The following HLCS variants were observed in gnomAD, a reference collection of about 807,000 sequenced individuals.
HLCS encodes the protein biotin--protein ligase.
A neutral mutation model predicts 75.0 loss-of-function variants in HLCS; 53 were observed. The ratio of observed to expected loss-of-function variants is 0.71; its 90% CI spans 0.57 to 0.89. HLCS has a LOEUF of 0.89. HLCS is among the 40% of genes least tolerant of loss of function. The probability of loss-of-function intolerance (pLI) is 0.00; values close to 1 mark genes in which losing one functional copy is unlikely to be tolerated. For missense variants in HLCS, 966 were observed against 1,074.0 expected (o/e 0.90, Z 1.41); for synonymous variants, 431 against 428.6 (o/e 1.01, Z -0.07).
intron 6 of HLCS, among the ~76,000 whole-genome samples, chr21:36,800,482 C>A (rs564788096): frequency 6.6e-6 from 1 of 152,144 alleles, no homozygotes; most frequent in Non-Finnish European, 1.5e-5. Context: ...GGCTCCCTGC[C>A]GGTACCGCTC....
At chr21:36,948,509 C>T (rs776492558) in intron 2 of HLCS, among the ~76,000 whole-genome samples, 3 of 151,352 alleles carry the variant, frequency 2.0e-5, no homozygotes, top group Non-Finnish European at 2.9e-5. Context: ...CAGGAAGGAT[C>T]GCTTAAGCCC....
intron 5 of HLCS, among the ~76,000 whole-genome samples, chr21:36,919,327 A>G (rs1316192417): frequency 6.6e-6 from 1 of 152,274 alleles, no homozygotes; most frequent in Non-Finnish European, 1.5e-5. Flanking sequence ...TTTCTTAAAT[A>G]TAAGAGAAGT....
At chr21:36,834,875 T>C (rs537014580) in intron 6 of HLCS, among the ~76,000 whole-genome samples, 2 of 152,206 alleles carry the variant, frequency 1.3e-5, no homozygotes, top group African/African-American at 4.8e-5. Flanking sequence ...TTCTAAGGCA[T>C]CCTATTCTGA....
intron 6 of HLCS, among the ~76,000 whole-genome samples, chr21:36,881,830 C>T (rs2064231219): frequency 6.6e-6 from 1 of 152,128 alleles, no homozygotes; most frequent in East Asian, 1.9e-4. Context: ...CAGGGGGGCT[C>T]TGCACCATTT....
intron 5 of HLCS, among the ~76,000 whole-genome samples, chr21:36,919,289 T>A (rs1465784597): frequency 6.6e-6 from 1 of 152,236 alleles, no homozygotes; most frequent in East Asian, 1.9e-4. Flanking sequence ...TGTGTAAAGT[T>A]CAACAGTTAC....
Position 36,966,429 on chromosome 21 carries a change from G to GCC in HLCS, c.195+13_195+14dup. On this transcript the variant is annotated intron_variant, in intron 1 of 10. Transcript: ENST00000674895. ...CTCGCGGGGCCCGGGTCGCCCGCCC[G>GCC]CCCGACCCGCCCACCTGGCTGTCGC... The GCC allele has an allele frequency of 1.4e-5, 2 of 144,444 alleles. No individual in the cohort carries two copies. The highest frequency in any genetic ancestry group is 1.8e-5 in the Non-Finnish European group (2 of 111,468). The allele number at this position is 144,444 out of a possible 1,614,324, so 8.9% of individuals were successfully genotyped here.
chr21:36,953,242 G>A (rs1045602981), intron 2 of HLCS, among the ~76,000 whole-genome samples: 3 of 152,098 alleles, frequency 2.0e-5, no homozygotes, highest in Admixed American at 6.6e-5. Flanking sequence ...GACCACAGGC[G>A]GGAGCCACCA....
intron 6 of HLCS, among the ~76,000 whole-genome samples, chr21:36,859,047 G>A (rs1306826529): frequency 6.6e-6 from 1 of 152,028 alleles, no homozygotes; most frequent in Admixed American, 6.6e-5. Flanking sequence ...TTTTGAGATG[G>A]AGTCTCACTC....
At chr21:36,970,659 G>A (rs891243712), upstream of HLCS, among the ~76,000 whole-genome samples, 6 of 150,074 alleles carry the variant, frequency 4.0e-5, no homozygotes, top group Non-Finnish European at 5.9e-5. Flanking sequence ...GTGAGCCACC[G>A]TGCCCAGCCT....
chr21:36,961,701 C>T (rs1019422827), intron 2 of HLCS, among the ~76,000 whole-genome samples: 7 of 152,150 alleles, frequency 4.6e-5, no homozygotes, highest in Non-Finnish European at 1.0e-4. Context: ...CACCTGTAAT[C>T]CCAGCACTTT....
upstream of HLCS, chr21:36,966,702 C>G (rs1367029580): frequency 1.2e-6 from 1 of 850,916 alleles, no homozygotes. Flanking sequence ...GGCCCGGCCC[C>G]GCCCCGGCCG....
At chr21:36,942,579 ACTT>A (rs921998897) in intron 2 of HLCS, among the ~76,000 whole-genome samples, 46 of 152,154 alleles carry the variant, frequency 3.0e-4, no homozygotes, top group Non-Finnish European at 1.5e-5. Flanking sequence ...TCAACCAATG[ACTT>A]CTTAGATAAG....
intron 6 of HLCS, among the ~76,000 whole-genome samples, chr21:36,836,660 T>C (rs1206391787): frequency 6.6e-6 from 1 of 151,288 alleles, no homozygotes; most frequent in African/African-American, 2.4e-5. Context: ...CTCAAACAAA[T>C]TTACAAGAAA....
chr21:36,810,029 C>T (rs956704377), intron 6 of HLCS, among the ~76,000 whole-genome samples: 2 of 152,252 alleles, frequency 1.3e-5, no homozygotes, highest in Non-Finnish European at 2.9e-5. Context: ...AGGCGTGAGC[C>T]GTGGCACCCA....
At chr21:36,756,376 G>A (rs867907621) in intron 10 of HLCS, among the ~76,000 whole-genome samples, 166 bp downstream of exon 10, 28 of 146,446 alleles carry the variant, frequency 1.9e-4, no homozygotes, top group African/African-American at 5.1e-4. Flanking sequence ...GCGTGAACCC[G>A]GGAGGCGGAG....
At chr21:36,830,780 C>T (rs1325502985) in intron 6 of HLCS, among the ~76,000 whole-genome samples, 1 of 141,126 alleles carries the variant, frequency 7.1e-6, no homozygotes, top group Non-Finnish European at 1.5e-5. Context: ...CATGATGATG[C>T]CACTGTACTC....
intron 6 of HLCS, among the ~76,000 whole-genome samples, chr21:36,811,981 C>T (rs559227114): frequency 6.6e-6 from 1 of 152,118 alleles, no homozygotes; most frequent in African/African-American, 2.4e-5. Context: ...GCCAAGCCCC[C>T]CTCCTGCTTT....
intron 2 of HLCS, among the ~76,000 whole-genome samples, chr21:36,960,140 C>CT (rs1269851849): frequency 9.9e-6 from 1 of 100,622 alleles, no homozygotes; most frequent in East Asian, 3.1e-4. Context: ...CACCCCCCCC[C>CT]CCCCCGACCC....
At chr21:36,787,159 G>A (rs999373) in intron 6 of HLCS, among the ~76,000 whole-genome samples, 30,183 of 152,214 alleles carry the variant, frequency 0.2, 3,630 homozygotes, top group Middle Eastern at 0.31. Context: ...CAGGCCACGC[G>A]TGAGCATGGG....
Sources: gnomAD v4.1 joint callset for allele counts (sites outside exome capture counted in the v4.1 genomes callset) on GRCh38, gnomAD v4.1.1 for gene constraint, MANE v1.5 for transcripts, NCBI Gene and HGNC (gene_info 2026-07-23, HGNC 2026-07-21) for gene names.